Variants in ACTB observed in about 807,000 individuals in gnomAD.
ACTB encodes actin, cytoplasmic 1.
Under a neutral mutation model 30.5 loss-of-function variants are expected in ACTB, and 2 were observed. That is an observed-to-expected ratio of 0.07 (90% CI 0.03 to 0.21). The LOEUF (loss-of-function observed/expected upper bound fraction) is 0.21, where lower values mean the gene tolerates loss of function less well. Ranked by LOEUF, ACTB falls within the 10% of genes least tolerant of loss-of-function variation. The pLI is 1.00. For missense variants in ACTB, 56 were observed against 530.0 expected (o/e 0.11, Z 8.78); for synonymous variants, 335 against 217.6 (o/e 1.54, Z -4.75).
chr7:5,529,532 T>C lies in ACTB; in HGVS notation c.123+3A>G, dbSNP rs878963559. ...GGCTGCCCCACCCAGCCAGCTCCCC[T>C]ACCTGGTGCCTGGGGCGCCCCACGA... On this transcript the variant is annotated splice_donor_region_variant and intron_variant, in intron 2 of 5. Coordinates refer to ENST00000646664, the MANE Select transcript of ACTB (RefSeq NM_001101.5). The C allele has an allele frequency of 1.2e-6, 2 of 1,610,704 alleles. No individual in the cohort carries two copies. The highest frequency in any genetic ancestry group is 1.7e-6 in the Non-Finnish European group (2 of 1,178,578).
rs145281194 is a variant in ACTB at position 5,529,244 on chromosome 7, G to A, written c.280C>T (p.Leu94=). The A allele has an allele frequency of 1.7e-5, 28 of 1,614,062 alleles. No individual in the cohort carries two copies. The African/African-American group carries it at 3.1e-4, about 18-fold the overall frequency. The change falls in exon 3 of 6, where the codon CTG becomes TTG. Residue 94 remains leucine, a synonymous_variant. Coordinates refer to ENST00000646664, the MANE Select transcript of ACTB (RefSeq NM_001101.5). ...GGGTGCTCCTCGGGAGCCACACGCA[G>A]CTCATTGTAGAAGGTGTGGTGCCAG... ...KIWHHTFYNE[L]RVAPEEHPVL...
chr7:5,529,848 G>A (rs530978590), intron 1 of ACTB, 185 bp from the exon 2 acceptor site: 13 of 1,030,474 alleles, frequency 1.3e-5, no homozygotes, highest in East Asian at 5.5e-5. Context: ...CGCGGCGCGC[G>A]GCAGGAAGCC....
In ACTB at chr7:5,527,237, A is replaced by C. The variant is rs11546924; in HGVS notation, c.*511T>G. On this transcript the variant is annotated 3_prime_UTR_variant, in exon 6 of 6. Transcript: ENST00000646664. The stretch of plus-strand genomic sequence containing the variant: ...GCCTCCACCCACTCCCAGGGAGACC[A>C]AAAGCCTTCATACATCTCAAGTTGG... 4.2e-5 allele frequency: 10 copies of C among 236,394 alleles called. No homozygotes were observed. In the South Asian group the frequency reaches 4.6e-4, roughly 11 times the overall value. 14.6% of individuals were successfully genotyped at this position (236,394 alleles called of 1,614,324 possible). A position where few individuals can be genotyped will look rare whatever the true frequency, so the allele number is the denominator to read the frequency against.
chr7:5,528,926 T>C, intron 3 of ACTB: 1 of 1,492,176 alleles, frequency 6.7e-7, no homozygotes, highest in Non-Finnish European at 9.1e-7. Flanking sequence ...CACGAGCCAG[T>C]GTTAGTACCT....
intron 1 of ACTB, chr7:5,529,943 G>A (rs1584263973): frequency 6.1e-6 from 2 of 326,400 alleles, no homozygotes; most frequent in East Asian, 9.7e-5. Flanking sequence ...GCACGCAGCG[G>A]CCACACCCTC....
intron 1 of ACTB, chr7:5,529,954 G>A (rs376459880): frequency 7.4e-6 from 2 of 269,154 alleles, no homozygotes; most frequent in Non-Finnish European, 7.0e-6. Flanking sequence ...CCACACCCTC[G>A]GGCGGCCAGC....
chr7:5,527,633 A>C lies in ACTB; in HGVS notation c.*115T>G. On this transcript the variant is annotated 3_prime_UTR_variant, in exon 6 of 6. Transcript: ENST00000646664. ...AATCCTGAGTCAAGCCAAAAAAAAAAAAAAAACCAAAACAAAACAAAAAAA... is the reference window on the plus strand; with the variant it reads ...AATCCTGAGTCAAGCCAAAAAAAAACAAAAAACCAAAACAAAACAAAAAAA... 6.5e-6 allele frequency: 10 copies of C among 1,535,126 alleles called. No homozygotes were observed. Among genetic ancestry groups the C allele is most frequent in the Non-Finnish European group, 8.9e-6 (10 of 1,129,094 alleles).
intron 1 of ACTB, 160 bp from the exon 2 acceptor site, chr7:5,529,823 G>C (rs370942680): frequency 8.3e-7 from 1 of 1,200,916 alleles, no homozygotes; most frequent in Non-Finnish European, 1.2e-6. Flanking sequence ...GGCAAACACT[G>C]GTCGGAGGCG....
At chr7:5,528,254 C>T (rs775096086) in intron 4 of ACTB, 27 bp downstream of exon 4, 3 of 1,613,748 alleles carry the variant, frequency 1.9e-6, no homozygotes, top group South Asian at 1.1e-5. Context: ...TCATGTCAGG[C>T]AGAGCCGGGA....
In ACTB at chr7:5,529,667, C is replaced by A. The variant is rs13447394; in HGVS notation, c.-6-4G>T. 7,469 of 1,610,772 alleles carry A rather than the reference C, an allele frequency of 4.6e-3. 24 individuals are homozygous for A. Among genetic ancestry groups the A allele is most frequent in the Non-Finnish European group, 5.8e-3 (6,839 of 1,179,130 alleles). On this transcript the variant is annotated splice_polypyrimidine_tract_variant and splice_region_variant and intron_variant, in intron 1 of 5. Coordinates refer to ENST00000646664, the MANE Select transcript of ACTB (RefSeq NM_001101.5). ...CGATATCATCATCCATGGTGAGCTG[C>A]GAGAATAGCCGGGCGCGCTGTGAGC...
intron 3 of ACTB, 26 bp from the exon 4 acceptor site, chr7:5,528,745 ACACTGGGGAAGC>A (rs1235987665): frequency 6.2e-7 from 1 of 1,611,822 alleles, no homozygotes; most frequent in African/African-American, 1.3e-5. Context: ...ACACCATGTC[ACACTGGGGAAGC>A]CACTGGGGAC....
chr7:5,528,254 C>G, intron 4 of ACTB, 27 bp downstream of exon 4: 1 of 1,613,748 alleles, frequency 6.2e-7, no homozygotes. Context: ...TCATGTCAGG[C>G]AGAGCCGGGA....
At position 5,529,150 on chromosome 7, in the gene ACTB, G is replaced by T; in HGVS notation, c.363+11C>A. 1.2e-6 allele frequency: 2 copies of T among 1,613,848 alleles called. No individual in the cohort carries two copies. The highest frequency in any genetic ancestry group is 1.7e-6 in the Non-Finnish European group (2 of 1,179,900). ...GGAGGCGGCCACCAGAAGAGGTAGC[G>T]GGCCACTCACCTGGGTCATCTTCTC... On this transcript the variant is annotated intron_variant, in intron 3 of 5. Transcript: ENST00000646664.
rs1247111055 is a variant in ACTB, at chr7:5,529,851, AG to A, written c.-6-189del. On this transcript the variant is annotated intron_variant, in intron 1 of 5. Coordinates refer to ENST00000646664, the MANE Select transcript of ACTB (RefSeq NM_001101.5). ...CGGAGGCGTCCCCGCGGCGCGCGGC[AG>A]GAAGCCAGGCCCCAACCCCCTCCCA... 5.1e-6 allele frequency: 5 copies of A among 988,788 alleles called. No individual in the cohort carries two copies. The African/African-American group carries it at 6.5e-5, about 13-fold the overall frequency. 61.3% of individuals were successfully genotyped at this position (988,788 alleles called of 1,614,324 possible). A position where few individuals can be genotyped will look rare whatever the true frequency, so the allele number is the denominator to read the frequency against.
intron 5 of ACTB, 33 bp downstream of exon 5, chr7:5,527,971 G>A (rs1441660140): frequency 6.2e-7 from 1 of 1,613,154 alleles, no homozygotes; most frequent in Non-Finnish European, 8.5e-7. Flanking sequence ...CAGCCGACCT[G>A]CCCAGGTCAG....
At position 5,527,730 on chromosome 7, in the gene ACTB, A is replaced by G. The variant is rs546596340; in HGVS notation, c.*18T>C. ...GTTTTGTCAAGAAAGGGTGTAACGC[A>G]ACTAAGTCATAGTCCGCCTAGAAGC... On this transcript the variant is annotated 3_prime_UTR_variant, in exon 6 of 6. Transcript: ENST00000646664. 1.3e-4 allele frequency: 217 copies of G among 1,613,324 alleles called. 2 individuals are homozygous for G. In the South Asian group the frequency reaches 2.2e-3, roughly 16 times the overall value.
chr7:5,528,846 TTCAGA>T, intron 3 of ACTB, 127 bp from the exon 4 acceptor site: 1 of 1,422,134 alleles, frequency 7.0e-7, no homozygotes, highest in Admixed American at 1.8e-5. Context: ...GGGGAGTCTG[TTCAGA>T]CCTACTGTGC....
intron 3 of ACTB, 102 bp downstream of exon 3, chr7:5,529,058 TC>T: frequency 6.2e-7 from 1 of 1,611,230 alleles, no homozygotes; most frequent in Non-Finnish European, 8.5e-7. Flanking sequence ...GAGAAGAGAG[TC>T]CTACGGAAAA....
In ACTB at chr7:5,527,705, G is replaced by A; in HGVS notation, c.*43C>T. On this transcript the variant is annotated 3_prime_UTR_variant, in exon 6 of 6. Coordinates refer to ENST00000646664, the MANE Select transcript of ACTB (RefSeq NM_001101.5). ...TCATCTTGTTTTCTGCGCAAGTTAGGTTTTGTCAAGAAAGGGTGTAACGCA... is the reference window on the plus strand; with the variant it reads ...TCATCTTGTTTTCTGCGCAAGTTAGATTTTGTCAAGAAAGGGTGTAACGCA... 2 of 1,612,230 alleles carry A rather than the reference G, an allele frequency of 1.2e-6. No homozygotes were observed. Among genetic ancestry groups the A allele is most frequent in the Non-Finnish European group, 8.5e-7 (1 of 1,179,720 alleles).
Sources: gnomAD v4.1 joint callset for allele counts on GRCh38, gnomAD v4.1.1 for gene constraint, MANE v1.5 for transcripts, NCBI Gene and HGNC (gene_info 2026-07-23, HGNC 2026-07-21) for gene names.